The following CTNNA3 variants were observed in gnomAD, a reference collection of about 807,000 sequenced individuals.
CTNNA3 encodes the protein catenin alpha 3.
CTNNA3 carries 76 observed loss-of-function variants against 95.7 expected under a neutral mutation model. The ratio of observed to expected loss-of-function variants is 0.79; its 90% CI spans 0.66 to 0.96. The LOEUF is 0.96. CTNNA3 is among the 40% of genes least tolerant of loss of function. CTNNA3 has a pLI of 0.00. For synonymous variants in CTNNA3, 431 were observed against 374.4 expected (o/e 1.15, Z -1.74); for missense variants, 1,191 against 1,089.8 (o/e 1.09, Z -1.31).
At chr10:67,323,397 G>A (rs558710283) in intron 5 of CTNNA3, among the ~76,000 whole-genome samples, 5 of 152,160 alleles carry the variant, frequency 3.3e-5, no homozygotes, top group South Asian at 2.1e-4. Context: ...TTTTGTATAC[G>A]GTGTAAGGAA....
intron 10 of CTNNA3, among the ~76,000 whole-genome samples, chr10:66,590,676 A>G (rs898252790): frequency 1.2e-4 from 18 of 152,108 alleles, no homozygotes; most frequent in Non-Finnish European, 1.2e-4. Flanking sequence ...TAGTCATGTA[A>G]CATGTGAGGA....
chr10:67,220,100 G>T (rs1235254212), intron 5 of CTNNA3, among the ~76,000 whole-genome samples: 1 of 152,194 alleles, frequency 6.6e-6, no homozygotes, highest in Non-Finnish European at 1.5e-5. Context: ...CCGTAGAGCA[G>T]ATGTGTAAAG....
intron 9 of CTNNA3, among the ~76,000 whole-genome samples, chr10:66,743,629 G>A (rs1849399777): frequency 6.6e-6 from 1 of 152,074 alleles, no homozygotes; most frequent in Non-Finnish European, 1.5e-5. Context: ...TCATAAAGGG[G>A]AAAACTGTAT....
At chr10:67,171,625 A>ACC in intron 7 of CTNNA3, among the ~76,000 whole-genome samples, 1 of 151,804 alleles carries the variant, frequency 6.6e-6, no homozygotes, top group East Asian at 1.9e-4. Flanking sequence ...GGTAGTGCAC[A>ACC]CCCGTAGTCC....
At chr10:66,902,984 T>C (rs1845820743) in intron 7 of CTNNA3, among the ~76,000 whole-genome samples, 1 of 152,024 alleles carries the variant, frequency 6.6e-6, no homozygotes, top group African/African-American at 2.4e-5. Context: ...CTGAAACTAT[T>C]CCAATCAATA....
intron 7 of CTNNA3, among the ~76,000 whole-genome samples, chr10:66,814,745 CAG>C (rs1285322184): frequency 6.6e-6 from 1 of 151,834 alleles, no homozygotes; most frequent in Non-Finnish European, 1.5e-5. Flanking sequence ...GCCTAGCTGA[CAG>C]AGAGACTCTA....
rs1354611073 is a variant in CTNNA3, at chr10:67,611,948, A to C, written c.100-4899T>G. Among the ~76,000 whole-genome samples the C allele has an allele frequency of 2.0e-5, 3 of 152,240 alleles. No individual in the cohort carries two copies. In the East Asian group the frequency reaches 5.8e-4, roughly 29 times the overall value. On this transcript the variant is annotated intron_variant, in intron 2 of 17. Coordinates refer to ENST00000433211, the MANE Select transcript of CTNNA3 (RefSeq NM_013266.4). ...GAAGGGTAGAAAAATAAAACTGCCT[A>C]TAGATAAGTAAAAACTGTGATCTTT...
At chr10:66,443,491 C>A (rs530774761) in intron 11 of CTNNA3, among the ~76,000 whole-genome samples, 2 of 152,148 alleles carry the variant, frequency 1.3e-5, no homozygotes, top group East Asian at 1.9e-4. Context: ...GCAGCATTTG[C>A]GGGTCACCAA....
chr10:67,426,193 G>T (rs915382656), intron 5 of CTNNA3, among the ~76,000 whole-genome samples: 1 of 152,004 alleles, frequency 6.6e-6, no homozygotes, highest in Admixed American at 6.6e-5. Context: ...TTATATTCTA[G>T]GATAATGAAA....
intron 7 of CTNNA3, among the ~76,000 whole-genome samples, chr10:66,895,411 A>C (rs2132506464): frequency 6.6e-6 from 1 of 152,316 alleles, no homozygotes; most frequent in Non-Finnish European, 1.5e-5. Flanking sequence ...TCAAAAATGG[A>C]TTATCAGTAA....
chr10:67,184,978 T>C (rs1291045052), intron 6 of CTNNA3, among the ~76,000 whole-genome samples: 6 of 152,208 alleles, frequency 3.9e-5, no homozygotes, highest in South Asian at 2.1e-4. Flanking sequence ...TTTTTTATAA[T>C]ACACATTCTT....
At chr10:66,063,314 AT>A (rs1331086012) in intron 15 of CTNNA3, among the ~76,000 whole-genome samples, 2 of 133,342 alleles carry the variant, frequency 1.5e-5, no homozygotes, top group Admixed American at 1.6e-4. Flanking sequence ...CTCTATATAT[AT>A]ATATAATATA....
intron 9 of CTNNA3, among the ~76,000 whole-genome samples, chr10:66,749,545 C>T (rs1022067471): frequency 3.9e-5 from 6 of 152,118 alleles, no homozygotes; most frequent in Admixed American, 6.5e-5. Flanking sequence ...CTTGGTAGCT[C>T]ATTTTTTTGT....
chr10:66,625,656 T>C (rs1477060440), intron 9 of CTNNA3, among the ~76,000 whole-genome samples: 1 of 152,206 alleles, frequency 6.6e-6, no homozygotes, highest in African/African-American at 2.4e-5. Flanking sequence ...CCCAAAGTGC[T>C]AGGATTACAG....
At chr10:67,670,855 C>A (rs1227087123) in intron 1 of CTNNA3, among the ~76,000 whole-genome samples, 1 of 152,084 alleles carries the variant, frequency 6.6e-6, no homozygotes, top group South Asian at 2.1e-4. Flanking sequence ...ATGCTATATA[C>A]GTCTACAAGA....
intron 7 of CTNNA3, among the ~76,000 whole-genome samples, chr10:66,825,721 G>T (rs909199680): frequency 2.0e-5 from 3 of 151,976 alleles, no homozygotes; most frequent in African/African-American, 4.8e-5. Context: ...TTTTCTACAG[G>T]TCATCAGAAC....
At chr10:66,892,991 T>C (rs1270234375) in intron 7 of CTNNA3, among the ~76,000 whole-genome samples, 1 of 152,160 alleles carries the variant, frequency 6.6e-6, no homozygotes, top group African/African-American at 2.4e-5. Flanking sequence ...CATGTTTTTC[T>C]CTTTCACTTG....
intron 16 of CTNNA3, among the ~76,000 whole-genome samples, chr10:65,979,484 T>C (rs2078275867): frequency 6.6e-6 from 1 of 152,116 alleles, no homozygotes; most frequent in Admixed American, 6.6e-5. Flanking sequence ...GTACATAAAA[T>C]AAGGATGTGG....
intron 2 of CTNNA3, among the ~76,000 whole-genome samples, chr10:67,636,831 C>T (rs557443476): frequency 3.9e-5 from 6 of 152,116 alleles, no homozygotes; most frequent in Non-Finnish European, 7.3e-5. Flanking sequence ...AACTAATAAA[C>T]GGAAAGGACA....
Sources: allele counts gnomAD v4.1 joint callset (sites outside exome capture counted in the v4.1 genomes callset), GRCh38; gene constraint gnomAD v4.1.1; transcripts MANE v1.5; gene names NCBI Gene and HGNC (gene_info 2026-07-23, HGNC 2026-07-21).